Variants in DPYSL3 observed in about 807,000 individuals in gnomAD.
DPYSL3 encodes dihydropyrimidinase-related protein 3.
A neutral mutation model predicts 66.1 loss-of-function variants in DPYSL3; 16 were observed. That is an observed-to-expected ratio of 0.24 (90% CI 0.16 to 0.37). The LOEUF (loss-of-function observed/expected upper bound fraction) is 0.37. Ranked by LOEUF, DPYSL3 falls within the 10% of genes least tolerant of loss-of-function variation. The probability of loss-of-function intolerance (pLI) is 1.00; values close to 1 mark genes in which losing one functional copy is unlikely to be tolerated. For missense variants in DPYSL3, 738 were observed against 916.2 expected (o/e 0.81, Z 2.51); for synonymous variants, 338 against 345.1 (o/e 0.98, Z 0.23).
chr5:147,402,160 T>C (rs578216654), intron 8 of DPYSL3, among the ~76,000 whole-genome samples: 4 of 152,156 alleles, frequency 2.6e-5, no homozygotes, highest in Non-Finnish European at 5.9e-5. Context: ...ACGTGAAGCA[T>C]CTGGCACCTA....
At position 147,399,239 on chromosome 5, in the gene DPYSL3, A is replaced by G. The variant is rs1581171630; in HGVS notation, c.1466T>C (p.Met489Thr). ...IWDKAVATGK[M>T]DENQFVAVTS... Reference sequence around the variant, plus strand: ...CACAGCCACGAACTGGTTTTCGTCCATTTTCCCTGTGGCCTATTGAAATAT... The same window carrying G: ...CACAGCCACGAACTGGTTTTCGTCCGTTTTCCCTGTGGCCTATTGAAATAT... The change falls in exon 11 of 14, where the codon ATG (methionine) becomes ACG (threonine). Residue 489 changes from methionine (M) to threonine (T), a missense_variant. Physicochemically the swap from Met to Thr is moderately conservative, Grantham distance 81 (BLOSUM62 -1). Coordinates refer to ENST00000343218, the MANE Select transcript of DPYSL3 (RefSeq NM_001197294.2). 6.2e-7 allele frequency: 1 copy of G among 1,614,072 alleles called. No individual in the cohort carries two copies.
chr5:147,449,330 G>T (rs1054671840), intron 1 of DPYSL3, among the ~76,000 whole-genome samples: 2 of 152,062 alleles, frequency 1.3e-5, no homozygotes, highest in Non-Finnish European at 2.9e-5. Flanking sequence ...CTGACTACAC[G>T]CCCTAGACCG....
Position 147,509,985 on chromosome 5 carries a change from G to T in DPYSL3, c.-127C>A. ...GCGCCTGAGCCTTCGCGCCAGAGGCGGCAGTGCTGCTCCGATTCCTGCTTG... is the reference window on the plus strand; with the variant it reads ...GCGCCTGAGCCTTCGCGCCAGAGGCTGCAGTGCTGCTCCGATTCCTGCTTG... On this transcript the variant is annotated 5_prime_UTR_variant, in exon 1 of 14. Coordinates refer to ENST00000343218, the MANE Select transcript of DPYSL3 (RefSeq NM_001197294.2). This position sits in a 1 kb window ranked among gnomAD's most constrained non-coding sequence, Gnocchi z 5.3. 2 of 1,379,188 alleles carry T rather than the reference G, an allele frequency of 1.5e-6. No homozygotes were observed. The highest frequency in any genetic ancestry group is 1.5e-5 in the South Asian group (1 of 65,924). 85.4% of individuals were successfully genotyped at this position (1,379,188 alleles called of 1,614,324 possible).
intron 6 of DPYSL3, among the ~76,000 whole-genome samples, chr5:147,411,545 T>C (rs1332751569): frequency 6.6e-6 from 1 of 152,218 alleles, no homozygotes; most frequent in Non-Finnish European, 1.5e-5. Flanking sequence ...GATGGTCTCA[T>C]GTATAAAATA....
chr5:147,471,311 A>G (rs1344919142), intron 1 of DPYSL3, among the ~76,000 whole-genome samples: 2 of 152,168 alleles, frequency 1.3e-5, no homozygotes, highest in Admixed American at 6.5e-5. Flanking sequence ...AGAAAAAAAA[A>G]GAGCAATGAT....
chr5:147,509,668 G>A lies in DPYSL3; in HGVS notation c.191C>T (p.Thr64Ile). 1.3e-6 allele frequency: 2 copies of A among 1,535,834 alleles called. No homozygotes were observed. The highest frequency in any genetic ancestry group is 1.4e-5 in the African/African-American group (1 of 73,172). The change falls in exon 1 of 14, where the codon ACT becomes ATT. Residue 64 changes from threonine (T) to isoleucine (I), a missense_variant. Physicochemically the swap from Thr to Ile is moderately conservative, Grantham distance 89. Coordinates refer to ENST00000343218, the MANE Select transcript of DPYSL3 (RefSeq NM_001197294.2). This position sits in a 1 kb window ranked among gnomAD's most constrained non-coding sequence, Gnocchi z 5.3. The stretch of plus-strand genomic sequence containing the variant: ...GTCGCTGCCCTGGCCGCTCCGAGGA[G>A]TCTTCGCGCCCCGCTGCCCCACGCT... ...ALSVGQRGAKTPRSGQGSDRG... is the reference protein window; with the variant it reads ...ALSVGQRGAKIPRSGQGSDRG...
rs1017804581 is a variant in DPYSL3, at chr5:147,392,113, C to G, written c.*1922G>C. ...AGTCAATGAGGTATATGCTTCAGATCTGGCAAACTCTCTCTGCACATAAAA... is the reference window on the plus strand; with the variant it reads ...AGTCAATGAGGTATATGCTTCAGATGTGGCAAACTCTCTCTGCACATAAAA... On this transcript the variant is annotated 3_prime_UTR_variant, in exon 14 of 14. Coordinates refer to ENST00000343218, the MANE Select transcript of DPYSL3 (RefSeq NM_001197294.2). 6.6e-6 allele frequency: 1 copy of G among 152,206 alleles called. No individual in the cohort carries two copies. Among genetic ancestry groups the G allele is most frequent in the African/African-American group, 2.4e-5 (1 of 41,446 alleles). 9.4% of individuals were successfully genotyped at this position (152,206 alleles called of 1,614,324 possible).
At chr5:147,426,000 A>ACCAT (rs375856381) in intron 1 of DPYSL3, among the ~76,000 whole-genome samples, 20,297 of 150,068 alleles carry the variant, frequency 0.14, 1,473 homozygotes, top group Non-Finnish European at 0.17. Context: ...TTCAACTCCA[A>ACCAT]CCATCCATCC....
chr5:147,397,895 A>AGAAAG (rs769466277), intron 11 of DPYSL3, 50 bp from the exon 12 acceptor site: 7 of 1,509,314 alleles, frequency 4.6e-6, no homozygotes, highest in South Asian at 1.3e-5. Flanking sequence ...GAGAAAGAGG[A>AGAAAG]ACGTACCTTC....
At chr5:147,430,378 C>A (rs530274605) in intron 1 of DPYSL3, among the ~76,000 whole-genome samples, 1 of 151,796 alleles carries the variant, frequency 6.6e-6, no homozygotes, top group Non-Finnish European at 1.5e-5. Flanking sequence ...GGCATCATGG[C>A]AGGCGTCTGT....
At chr5:147,415,605 T>C in intron 4 of DPYSL3, 104 bp downstream of exon 4, 1 of 1,416,940 alleles carries the variant, frequency 7.1e-7, no homozygotes, top group African/African-American at 1.4e-5. Flanking sequence ...CACTCAAGGT[T>C]CCAGGCTCCA....
intron 10 of DPYSL3, 128 bp downstream of exon 10, chr5:147,400,564 G>A (rs1187046454): frequency 7.8e-7 from 1 of 1,282,610 alleles, no homozygotes; most frequent in African/African-American, 1.5e-5. Context: ...TGGTTCCAGA[G>A]ACATCTCAGC....
intron 1 of DPYSL3, among the ~76,000 whole-genome samples, chr5:147,482,040 G>A (rs1013605513): frequency 6.6e-6 from 1 of 152,000 alleles, no homozygotes; most frequent in African/African-American, 2.4e-5. Context: ...TTTGTCTAGG[G>A]GAAACATTAC....
intron 1 of DPYSL3, among the ~76,000 whole-genome samples, chr5:147,492,445 C>A: frequency 6.6e-6 from 1 of 151,966 alleles, no homozygotes; most frequent in East Asian, 1.9e-4. Flanking sequence ...ACAATAGCAA[C>A]AATGTATTCT....
At chr5:147,461,601 G>T (rs959728825) in intron 1 of DPYSL3, among the ~76,000 whole-genome samples, 1 of 152,092 alleles carries the variant, frequency 6.6e-6, no homozygotes, top group Non-Finnish European at 1.5e-5. Context: ...CTTCACTACG[G>T]CCACCTACTA....
rs3749721 is a variant in DPYSL3, at chr5:147,393,473, C to T, written c.*562G>A. 0.013 allele frequency: 2,002 copies of T among 153,054 alleles called. 139 individuals carry two copies. In the East Asian group the frequency reaches 0.2, roughly 15 times the overall value. The allele number at this position is 153,054 out of a possible 1,614,324, so 9.5% of individuals were successfully genotyped here. On this transcript the variant is annotated 3_prime_UTR_variant, in exon 14 of 14. Transcript: ENST00000343218. ...AAGACTGCCTGCCTTCTCGGCAGAC[C>T]CTAGGGAGCTGTGGTGATGTGACAG... is the stretch of plus-strand genomic sequence containing the variant.
At chr5:147,419,843 C>G (rs551512259) in intron 2 of DPYSL3, among the ~76,000 whole-genome samples, 1 of 152,146 alleles carries the variant, frequency 6.6e-6, no homozygotes, top group Non-Finnish European at 1.5e-5. Context: ...TAAAATGCAG[C>G]CTCTGATCCT....
intron 1 of DPYSL3, chr5:147,454,066 G>A (rs1230905508): frequency 6.5e-6 from 1 of 152,734 alleles, no homozygotes; most frequent in Non-Finnish European, 1.5e-5. Context: ...CTTTTCGGGA[G>A]CGGAGGCTGA....
At chr5:147,465,327 C>G (rs1202027556) in intron 1 of DPYSL3, among the ~76,000 whole-genome samples, 1 of 151,930 alleles carries the variant, frequency 6.6e-6, no homozygotes, top group Non-Finnish European at 1.5e-5. Context: ...TTTGACGGAG[C>G]CTCGCACTGT....
Sources: gnomAD v4.1 joint callset for allele counts (sites outside exome capture counted in the v4.1 genomes callset) on GRCh38, gnomAD v4.1.1 for gene constraint, Gnocchi (gnomAD v3.1) non-coding constraint, MANE v1.5 for transcripts, NCBI Gene and HGNC (gene_info 2026-07-23, HGNC 2026-07-21) for gene names.